Variants in AP5Z1 observed in about 807,000 individuals in gnomAD.
The protein encoded by AP5Z1 is AP-5 complex subunit zeta-1.
Under a neutral mutation model 83.0 loss-of-function variants are expected in AP5Z1, and 106 were observed. The ratio of observed to expected loss-of-function variants is 1.28; its 90% CI spans 1.09 to 1.50. AP5Z1 has a LOEUF of 1.50. Among genes scored for constraint, AP5Z1 ranks in the 40% most tolerant of loss-of-function variants. The pLI, the probability that AP5Z1 is intolerant of heterozygous loss-of-function variation, is 0.00. For synonymous variants in AP5Z1, 751 were observed against 514.1 expected (o/e 1.46, Z -6.23); for missense variants, 1,565 against 1,094.2 (o/e 1.43, Z -6.07).
Position 4,788,670 on chromosome 7 carries a change from G to A in AP5Z1, c.1596-170G>A, listed in dbSNP as rs1482445814. On this transcript the variant is annotated intron_variant, in intron 12 of 16. Coordinates refer to ENST00000649063, the MANE Select transcript of AP5Z1 (RefSeq NM_014855.3). Reference sequence around the variant, plus strand: ...CCGATGGCTTTACTGTCCCGGGTGTGCTGACGCCAGGGGTCTCCCCAAACC... The same window carrying A: ...CCGATGGCTTTACTGTCCCGGGTGTACTGACGCCAGGGGTCTCCCCAAACC... 5.0e-6 allele frequency: 3 copies of A among 595,594 alleles called. No individual in the cohort carries two copies. The East Asian group carries it at 9.1e-5, about 18-fold the overall frequency. 36.9% of individuals were successfully genotyped at this position (595,594 alleles called of 1,614,324 possible).
chr7:4,786,141 C>T, intron 9 of AP5Z1, 109 bp from the exon 10 acceptor site: 1 of 1,192,180 alleles, frequency 8.4e-7, no homozygotes. Flanking sequence ...CGCCTCGGAG[C>T]CCTTGGTGTC....
At position 4,790,582 on chromosome 7, in the gene AP5Z1, C is replaced by G; in HGVS notation, c.1929C>G (p.Val643=). 1.2e-6 allele frequency: 2 copies of G among 1,613,036 alleles called. No individual in the cohort carries two copies. Among genetic ancestry groups the G allele is most frequent in the Non-Finnish European group, 1.7e-6 (2 of 1,179,858 alleles). The change falls in exon 15 of 17, where the codon GTC becomes GTG. Residue 643 remains valine (V), a synonymous_variant. Transcript: ENST00000649063. ...VNGLCSRASL[V]TSVVWAIGEY... is the part of the protein sequence containing the mutation. ...GTCTCTGCAGCAGGGCGAGCCTCGT[C>G]ACCAGCGTGGTAAGGCGGGCGCTGG...
At position 4,787,501 on chromosome 7, in the gene AP5Z1, GGGA is replaced by G. The variant is rs1410225746; in HGVS notation, c.1312-127_1312-125del. On this transcript the variant is annotated intron_variant, in intron 10 of 16. Transcript: ENST00000649063. ...ACCCTGTCTCAAAAAAATAAAAAGC[GGGA>G]GGAGGCAAAGGTAGAAGCCCTCCTG... The G allele has an allele frequency of 2.0e-5, 26 of 1,303,946 alleles. No homozygotes were observed. The East Asian group carries it at 6.5e-4, about 33-fold the overall frequency. The allele number at this position is 1,303,946 out of a possible 1,614,324, so 80.8% of individuals were successfully genotyped here. A position where few individuals can be genotyped will look rare whatever the true frequency, so the allele number is the denominator to read the frequency against.
intron 14 of AP5Z1, 139 bp downstream of exon 14, chr7:4,790,068 CCACCCACAGCCCCA>C (rs1489461828): frequency 3.3e-6 from 4 of 1,223,154 alleles, no homozygotes; most frequent in Admixed American, 2.7e-5. Context: ...CCTGCCACCC[CCACCCACAGCCCCA>C]CACCCAGCCC....
rs777311886 is a variant in AP5Z1 at position 4,785,615 on chromosome 7, G to A, written c.1063G>A (p.Gly355Arg). Reference protein sequence around the residue: ...RSLSCLKALHGRVRGDPASVR... With the variant: ...RSLSCLKALHRRVRGDPASVR... The stretch of plus-strand genomic sequence containing the variant: ...TCTCTCCTGCCTGAAGGCCCTGCAC[G>A]GGCGGGTGCGCGGGGACCCGGCCTC... Residue 355 changes from glycine to arginine, a missense_variant, in exon 9 of 17, where the codon GGG becomes AGG. Transcript: ENST00000649063. The A allele has an allele frequency of 2.5e-5, 40 of 1,584,024 alleles. No homozygotes were observed. The highest frequency in any genetic ancestry group is 1.7e-4 in the Middle Eastern group (1 of 6,050).
In AP5Z1 at chr7:4,777,632, G is replaced by A. The variant is rs374291806; in HGVS notation, c.41+1876G>A. Among the ~76,000 whole-genome samples the A allele has an allele frequency of 5.3e-5, 8 of 152,176 alleles. No homozygotes were observed. In the South Asian group the frequency reaches 1.2e-3, roughly 24 times the overall value. ...TCGAATTCCTGACCTCAGGTGATCC[G>A]CCTGACTCGGCCCCTCGAAGTGCCG... On this transcript the variant is annotated intron_variant, in intron 1 of 16. Transcript: ENST00000649063.
rs1332740790 is a variant in AP5Z1, at chr7:4,784,196, C to T, written c.622-7C>T. 4 of 1,584,322 alleles carry T rather than the reference C, an allele frequency of 2.5e-6. No homozygotes were observed. The highest frequency in any genetic ancestry group is 1.3e-5 in the African/African-American group (1 of 74,328). ...CCTCCGCCCACTCCTGCCTGTCCTT[C>T]CCACAGCCGGGCCCCGTCACCGAGG... On this transcript the variant is annotated splice_region_variant and splice_polypyrimidine_tract_variant and intron_variant, in intron 5 of 16. Transcript: ENST00000649063.
At position 4,792,180 on chromosome 7, in the gene AP5Z1, T is replaced by G. The variant is rs1322112852; in HGVS notation, c.*795T>G. 1 of 152,162 alleles carries G rather than the reference T, an allele frequency of 6.6e-6. No individual in the cohort carries two copies. The highest frequency in any genetic ancestry group is 2.4e-5 in the African/African-American group (1 of 41,504). 9.4% of individuals were successfully genotyped at this position (152,162 alleles called of 1,614,324 possible). ...CCCGCCACCTTCCTGGGCCCTGTGG[T>G]CCCACCCTCCGGACTACCAAGGCAC... On this transcript the variant is annotated 3_prime_UTR_variant, in exon 17 of 17. Coordinates refer to ENST00000649063, the MANE Select transcript of AP5Z1 (RefSeq NM_014855.3).
In AP5Z1 at chr7:4,781,239, G is replaced by T. The variant is rs751942964; in HGVS notation, c.106G>T (p.Asp36Tyr). 6.2e-7 allele frequency: 1 copy of T among 1,613,782 alleles called. No homozygotes were observed. The highest frequency in any genetic ancestry group is 1.7e-5 in the Admixed American group (1 of 60,028). ...SRICKLLQAE[D>Y]LGPDTLDSLQ... is the part of the protein sequence containing the mutation. ...GATCTGTAAACTGCTGCAGGCGGAGGACTTGGGGCCGGACACCCTCGACTC... is the reference window on the plus strand; with the variant it reads ...GATCTGTAAACTGCTGCAGGCGGAGTACTTGGGGCCGGACACCCTCGACTC... The change falls in exon 2 of 17, where the codon GAC (aspartate) becomes TAC (tyrosine). Residue 36 changes from aspartate to tyrosine, a missense_variant. Transcript: ENST00000649063.
chr7:4,789,052 G>C (rs1781656347), intron 13 of AP5Z1, 101 bp downstream of exon 13: 1 of 1,011,406 alleles, frequency 9.9e-7, no homozygotes, highest in Non-Finnish European at 1.4e-6. Flanking sequence ...GCAGAAGGCT[G>C]CTCCCGCCAC....
intron 9 of AP5Z1, 28 bp from the exon 10 acceptor site, chr7:4,786,222 T>G: frequency 6.4e-7 from 1 of 1,573,554 alleles, no homozygotes; most frequent in Non-Finnish European, 8.6e-7. Context: ...GGTCAAGACG[T>G]GTGCCCTGGC....
intron 6 of AP5Z1, 63 bp downstream of exon 6, chr7:4,784,434 G>C (rs1033440817): frequency 2.6e-6 from 4 of 1,514,634 alleles, no homozygotes; most frequent in South Asian, 1.2e-5. Flanking sequence ...TGGGTTGGTC[G>C]CAGGGGGACA....
rs1410247472 is a variant in AP5Z1 at position 4,787,448 on chromosome 7, T to C, written c.1312-186T>C. Reference sequence around the variant, plus strand: ...TTGCAGTGAGCTATGATTGCACCACTGCACTCCAGCCTGGGCGACAGAGCA... The same window carrying C: ...TTGCAGTGAGCTATGATTGCACCACCGCACTCCAGCCTGGGCGACAGAGCA... On this transcript the variant is annotated intron_variant, in intron 10 of 16. Transcript: ENST00000649063. 4 of 826,696 alleles carry C rather than the reference T, an allele frequency of 4.8e-6. No individual in the cohort carries two copies. In the African/African-American group the frequency reaches 5.2e-5, roughly 11 times the overall value. The allele number at this position is 826,696 out of a possible 1,614,324, so 51.2% of individuals were successfully genotyped here. A position where few individuals can be genotyped will look rare whatever the true frequency, so the allele number is the denominator to read the frequency against.
chr7:4,790,920 G>A (rs1210136074), intron 16 of AP5Z1, 33 bp downstream of exon 16: 1 of 1,551,606 alleles, frequency 6.4e-7, no homozygotes, highest in Non-Finnish European at 8.7e-7. Flanking sequence ...AAGCCTTCTG[G>A]CTCCTGGGGA....
At chr7:4,782,273 C>T (rs1420135669) in intron 3 of AP5Z1, among the ~76,000 whole-genome samples, 1 of 152,140 alleles carries the variant, frequency 6.6e-6, no homozygotes. Flanking sequence ...CCAGGCTGGT[C>T]TCAAACTTCT....
intron 1 of AP5Z1, among the ~76,000 whole-genome samples, chr7:4,779,181 CATAT>C (rs200476343): frequency 1.4e-5 from 2 of 143,716 alleles, no homozygotes; most frequent in African/African-American, 5.1e-5. Context: ...TATAACATAA[CATAT>C]ATAACAACAT....
intron 3 of AP5Z1, among the ~76,000 whole-genome samples, chr7:4,782,268 C>T (rs1033916472): frequency 6.6e-6 from 1 of 152,122 alleles, no homozygotes; most frequent in African/African-American, 2.4e-5. Context: ...GTTGCCCAGG[C>T]TGGTCTCAAA....
In AP5Z1 at chr7:4,788,914, C is replaced by G. The variant is rs1781650664; in HGVS notation, c.1670C>G (p.Pro557Arg). The G allele has an allele frequency of 2.5e-6, 4 of 1,611,352 alleles. No individual in the cohort carries two copies. The highest frequency in any genetic ancestry group is 4.5e-5 in the East Asian group (2 of 44,856). The change falls in exon 13 of 17, where the codon CCC becomes CGC. Residue 557 changes from proline (P) to arginine (R), a missense_variant. Pro to Arg is a moderately radical substitution (Grantham distance 103, BLOSUM62 -2). Transcript: ENST00000649063. Reference sequence around the variant, plus strand: ...GTGGCCCAGTGTGCCCAGGCCGTGCCCACGCTGCTGCAGGCATTCTTCTCA... The same window carrying G: ...GTGGCCCAGTGTGCCCAGGCCGTGCGCACGCTGCTGCAGGCATTCTTCTCA... ...ARVAQCAQAV[P>R]TLLQAFFSAV...
chr7:4,778,966 G>A (rs1781296985), intron 1 of AP5Z1, among the ~76,000 whole-genome samples: 1 of 146,752 alleles, frequency 6.8e-6, no homozygotes, highest in Non-Finnish European at 1.5e-5. Flanking sequence ...TAGAAGATCA[G>A]GCTGCAGTGA....
Sources: allele counts gnomAD v4.1 joint callset (sites outside exome capture counted in the v4.1 genomes callset), GRCh38; gene constraint gnomAD v4.1.1; transcripts MANE v1.5; gene names NCBI Gene and HGNC (gene_info 2026-07-23, HGNC 2026-07-21).